Variants in CADPS2 observed in about 807,000 individuals in gnomAD.
The protein encoded by CADPS2 is calcium-dependent secretion activator 2.
In CADPS2, 93 loss-of-function variants were observed where a neutral mutation model predicts 172.5. The observed-to-expected ratio is 0.54, with a 90% CI of 0.46 to 0.64. The LOEUF (loss-of-function observed/expected upper bound fraction) is 0.64, where lower values mean the gene tolerates loss of function less well. Ranked by LOEUF, CADPS2 falls within the 30% of genes least tolerant of loss-of-function variation. The pLI, the probability that CADPS2 is intolerant of heterozygous loss-of-function variation, is 0.00. For missense variants in CADPS2, 1,420 were observed against 1,565.9 expected, an observed-to-expected ratio of 0.91 and a Z score of 1.57; for synonymous variants, 546 against 555.2, an observed-to-expected ratio of 0.98 and a Z score of 0.23.
intron 9 of CADPS2, among the ~76,000 whole-genome samples, chr7:122,511,034 A>T (rs1296242502): frequency 6.6e-6 from 1 of 152,220 alleles, no homozygotes; most frequent in African/African-American, 2.4e-5. Flanking sequence ...ATGCTTAAAC[A>T]TGACTTCAAA....
At chr7:122,351,748 T>A (rs2038681868) in intron 27 of CADPS2, among the ~76,000 whole-genome samples, 1 of 152,172 alleles carries the variant, frequency 6.6e-6, no homozygotes. Flanking sequence ...TATGAAGGTA[T>A]CTGATATCAG....
intron 7 of CADPS2, among the ~76,000 whole-genome samples, chr7:122,575,557 C>T (rs1180655000): frequency 2.0e-5 from 3 of 151,914 alleles, no homozygotes; most frequent in African/African-American, 7.3e-5. Flanking sequence ...CTGCCTCAGC[C>T]TCCCAAGTAG....
At chr7:122,681,439 G>A (rs995687500) in intron 2 of CADPS2, 75 of 1,535,528 alleles carry the variant, frequency 4.9e-5, no homozygotes, top group African/African-American at 1.9e-4. Flanking sequence ...TTCGTCATTC[G>A]AAACATAGTG....
At chr7:122,468,692 G>C (rs73431588) in intron 14 of CADPS2, among the ~76,000 whole-genome samples, 5,708 of 152,220 alleles carry the variant, frequency 0.037, 152 homozygotes, top group African/African-American at 0.061. Flanking sequence ...TGTTGAACAT[G>C]GGTCAGTTTG....
At position 122,407,689 on chromosome 7, in the gene CADPS2, GC is replaced by G; in HGVS notation, c.2596del (p.Ala866ProfsTer26). Reference protein sequence around the residue: ...EHHAEGREAFAWWPDLLAEHA... With the variant: ...EHHAEGREAFXWWPDLLAEHA... ...TTCAGCCAATAAATCAGGCCACCAG[GC>G]AAATGCCTACAAAAGGATAAAAACA... On this transcript the variant is annotated frameshift_variant, in exon 20 of 30. Transcript: ENST00000449022. LOFTEE classifies it high-confidence loss of function. The G allele has an allele frequency of 6.2e-7, 1 of 1,607,922 alleles. No homozygotes were observed. The highest frequency in any genetic ancestry group is 8.5e-7 in the Non-Finnish European group (1 of 1,177,096).
At chr7:122,571,711 T>C (rs1311029695) in intron 7 of CADPS2, among the ~76,000 whole-genome samples, 1 of 152,216 alleles carries the variant, frequency 6.6e-6, no homozygotes, top group Non-Finnish European at 1.5e-5. Context: ...GCTTCGTCAC[T>C]GGTGTGGTGA....
At chr7:122,774,241 AATATAT>A (rs200036624) in intron 1 of CADPS2, among the ~76,000 whole-genome samples, 2 of 148,080 alleles carry the variant, frequency 1.4e-5, no homozygotes, top group African/African-American at 2.5e-5. Context: ...TTCAACAACA[AATATAT>A]ATATATAGAC....
Position 122,451,475 on chromosome 7 carries a change from C to T in CADPS2, c.2187G>A (p.Arg729=). 1 of 1,539,054 alleles carries T rather than the reference C, an allele frequency of 6.5e-7. No homozygotes were observed. The change falls in exon 15 of 30, where the codon AGG becomes AGA. Residue 729 remains arginine (R), a splice_region_variant and synonymous_variant. Coordinates refer to ENST00000449022, the MANE Select transcript of CADPS2 (RefSeq NM_017954.11). ...CTGAAACAGTCCCAATTCCATCAGG[C>T]CTGAAAAAAAAATCAGAATCAATAA... ...AFCASHVHGN[R]PDGIGTVSVE... is the part of the protein sequence containing the mutation.
intron 27 of CADPS2, among the ~76,000 whole-genome samples, chr7:122,347,721 A>G (rs952566931): frequency 1.3e-5 from 2 of 152,192 alleles, no homozygotes; most frequent in Non-Finnish European, 2.9e-5. Flanking sequence ...TAAACAATAA[A>G]AAAGCTAGAC....
In CADPS2 at chr7:122,428,469, A is replaced by AT. The variant is rs1325025976; in HGVS notation, c.2476+9871dup. ...TATACACACATATATATATATATAT[A>AT]TATTTTTTTTTTTTTGAGACGGAGT... On this transcript the variant is annotated intron_variant, in intron 17 of 29. Coordinates refer to ENST00000449022, the MANE Select transcript of CADPS2 (RefSeq NM_017954.11). Among the ~76,000 whole-genome samples, 7 of 124,942 alleles carry AT rather than the reference A, an allele frequency of 5.6e-5. No individual in the cohort carries two copies. The South Asian group carries it at 7.3e-4, about 13-fold the overall frequency. The allele number at this position is 124,942 out of a possible 152,430, so 82.0% of individuals were successfully genotyped here.
chr7:122,781,587 A>G (rs1021805473), intron 1 of CADPS2, among the ~76,000 whole-genome samples: 9 of 152,188 alleles, frequency 5.9e-5, no homozygotes, highest in Non-Finnish European at 1.3e-4. Context: ...TTCCAGAGAT[A>G]CAAATATGCA....
chr7:122,648,699 T>C (rs914690959), intron 3 of CADPS2, among the ~76,000 whole-genome samples: 10 of 152,096 alleles, frequency 6.6e-5, no homozygotes, highest in Non-Finnish European at 1.5e-4. Context: ...AGAGAGTAGG[T>C]AGTTCAGTGT....
chr7:122,835,204 C>T (rs1807979410), intron 1 of CADPS2, among the ~76,000 whole-genome samples: 1 of 152,192 alleles, frequency 6.6e-6, no homozygotes, highest in Non-Finnish European at 1.5e-5. Flanking sequence ...CAAACTCCAA[C>T]AGACCTGCAG....
intron 17 of CADPS2, among the ~76,000 whole-genome samples, chr7:122,437,226 T>C (rs2050743777): frequency 6.6e-6 from 1 of 152,134 alleles, no homozygotes; most frequent in African/African-American, 2.4e-5. Flanking sequence ...TCATAATTAA[T>C]GAAGTTAAAA....
intron 3 of CADPS2, among the ~76,000 whole-genome samples, chr7:122,638,290 C>G (rs186344988): frequency 6.6e-6 from 1 of 152,282 alleles, no homozygotes; most frequent in African/African-American, 2.4e-5. Context: ...AGGGATCTCA[C>G]CCTTTTCAGT....
At chr7:122,447,955 AAAAATATCATTATTCT>A (rs1490770318) in intron 15 of CADPS2, among the ~76,000 whole-genome samples, 1 of 152,076 alleles carries the variant, frequency 6.6e-6, no homozygotes, top group African/African-American at 2.4e-5. Context: ...GTGCATGTCT[AAAAATATCATTATTCT>A]ACCATCACTG....
At chr7:122,416,739 G>C (rs1035617155) in intron 17 of CADPS2, among the ~76,000 whole-genome samples, 33 of 152,174 alleles carry the variant, frequency 2.2e-4, no homozygotes, top group African/African-American at 7.5e-4. Context: ...AGGGGGTTGT[G>C]GGGGAGGAAG....
At chr7:122,851,061 A>AT (rs1813439219) in intron 1 of CADPS2, among the ~76,000 whole-genome samples, 1 of 152,246 alleles carries the variant, frequency 6.6e-6, no homozygotes, top group Admixed American at 6.5e-5. Context: ...TATCACTGTA[A>AT]TGAGTTATAA....
chr7:122,701,688 A>G (rs1177292562), intron 2 of CADPS2: 1 of 483,060 alleles, frequency 2.1e-6, no homozygotes, highest in Non-Finnish European at 3.6e-6. Context: ...AAGGAGTTTT[A>G]TTTTTAAAAC....
Sources: gnomAD v4.1 joint callset for allele counts (sites outside exome capture counted in the v4.1 genomes callset) on GRCh38, gnomAD v4.1.1 for gene constraint, MANE v1.5 for transcripts, NCBI Gene and HGNC (gene_info 2026-07-23, HGNC 2026-07-21) for gene names.